Variants in CSMD1 observed in about 807,000 individuals in gnomAD.
CSMD1 encodes CUB and sushi domain-containing protein 1.
CSMD1 carries 213 observed loss-of-function variants against 417.5 expected under a neutral mutation model. That is an observed-to-expected ratio of 0.51 (90% CI 0.46 to 0.57). CSMD1 has a LOEUF of 0.57. Among genes scored for constraint, CSMD1 ranks in the 20% least tolerant of loss-of-function variants. The pLI, the probability that CSMD1 is intolerant of heterozygous loss-of-function variation, is 0.00. For missense variants in CSMD1, 6,923 were observed against 4,529.7 expected (o/e 1.53, Z -15.17); for synonymous variants, 2,862 against 1,736.8 (o/e 1.65, Z -16.11).
chr8:4,060,655 G>A (rs377192805), intron 3 of CSMD1, among the ~76,000 whole-genome samples: 1 of 152,100 alleles, frequency 6.6e-6, no homozygotes, highest in Non-Finnish European at 1.5e-5. Flanking sequence ...CAAAGGAGAA[G>A]CGGCACCTGG....
chr8:3,246,279 A>G (rs1207294555), intron 26 of CSMD1, among the ~76,000 whole-genome samples: 1 of 151,878 alleles, frequency 6.6e-6, no homozygotes, highest in African/African-American at 2.4e-5. Flanking sequence ...CCATGATCTC[A>G]TTCCTCACAT....
chr8:4,990,458 G>C (rs1811403129), intron 1 of CSMD1, among the ~76,000 whole-genome samples: 1 of 152,012 alleles, frequency 6.6e-6, no homozygotes, highest in Non-Finnish European at 1.5e-5. Context: ...CCACCTCCCG[G>C]GTTCAAGAGA....
chr8:4,527,112 G>A (rs975226289), intron 2 of CSMD1, among the ~76,000 whole-genome samples: 3 of 152,154 alleles, frequency 2.0e-5, no homozygotes, highest in Admixed American at 2.0e-4. Context: ...ATTCTAACTT[G>A]CTTTTACTTA....
chr8:4,928,368 T>G (rs527321947), intron 1 of CSMD1, among the ~76,000 whole-genome samples: 25 of 152,326 alleles, frequency 1.6e-4, no homozygotes, highest in Non-Finnish European at 3.1e-4. Context: ...TTTAGTTATT[T>G]ACTATCTTCT....
At chr8:4,907,427 A>G (rs1805362862) in intron 1 of CSMD1, among the ~76,000 whole-genome samples, 1 of 152,248 alleles carries the variant, frequency 6.6e-6, no homozygotes, top group African/African-American at 2.4e-5. Context: ...ACATTGGGCA[A>G]AATACATAAA....
chr8:4,847,063 C>A (rs374312812), intron 1 of CSMD1, among the ~76,000 whole-genome samples: 6 of 151,968 alleles, frequency 3.9e-5, no homozygotes, highest in Admixed American at 3.9e-4. Context: ...AATTGGCGAA[C>A]TTTGTCAAAA....
At chr8:4,331,446 G>A (rs1307407952) in intron 3 of CSMD1, among the ~76,000 whole-genome samples, 3 of 152,092 alleles carry the variant, frequency 2.0e-5, no homozygotes, top group African/African-American at 7.2e-5. Flanking sequence ...CCTGGTTTCT[G>A]GTAACGAGAG....
At chr8:4,613,723 G>C (rs1039599592) in intron 2 of CSMD1, among the ~76,000 whole-genome samples, 1 of 152,016 alleles carries the variant, frequency 6.6e-6, no homozygotes, top group South Asian at 2.1e-4. Context: ...GAAAAAAATA[G>C]AAGACTGAAT....
Position 3,616,317 on chromosome 8 carries a change from G to C in CSMD1, c.1097+393C>G, listed in dbSNP as rs193177950. The stretch of plus-strand genomic sequence containing the variant: ...CATGAGATCTGATGGTTTTTTAAGA[G>C]GATTTTCCTCCACTTCGCTCATTCT... On this transcript the variant is annotated intron_variant, in intron 8 of 69. Transcript: ENST00000635120. Among the ~76,000 whole-genome samples, 459 of 152,114 alleles carry C rather than the reference G, an allele frequency of 3.0e-3. 3 individuals carry two copies. Among genetic ancestry groups the C allele is most frequent in the African/African-American group, 0.01 (420 of 41,502 alleles).
intron 5 of CSMD1, among the ~76,000 whole-genome samples, chr8:3,890,343 C>G (rs1806878400): frequency 1.3e-5 from 2 of 152,050 alleles, no homozygotes; most frequent in African/African-American, 4.8e-5. Flanking sequence ...TCAACAGGCA[C>G]TGGGCAGGGT....
chr8:4,058,588 T>G (rs1798815747), intron 3 of CSMD1, among the ~76,000 whole-genome samples: 1 of 151,300 alleles, frequency 6.6e-6, no homozygotes, highest in Admixed American at 6.6e-5. Context: ...AATAAAAGGA[T>G]GGAGGAAGAT....
rs143433756 is a variant in CSMD1 at position 4,627,401 on chromosome 8, C to T, written c.302+9941G>A. On this transcript the variant is annotated intron_variant, in intron 2 of 69. Transcript: ENST00000635120. The stretch of plus-strand genomic sequence containing the variant: ...GCATATTAATATGGATGGTTTCCCA[C>T]TAAACTATTTCAACAAACTACTTCT... 4.5e-3 allele frequency among the ~76,000 whole-genome samples: 685 copies of T among 152,210 alleles called. 5 individuals carry two copies. Among genetic ancestry groups the T allele is most frequent in the Middle Eastern group, 0.017 (5 of 294 alleles).
intron 55 of CSMD1, among the ~76,000 whole-genome samples, chr8:2,976,574 C>G (rs758348934): frequency 2.6e-5 from 4 of 152,130 alleles, no homozygotes; most frequent in Non-Finnish European, 4.4e-5. Context: ...ATCTAGAACT[C>G]CTGGCCTCAA....
At chr8:4,823,359 C>G (rs1427797765) in intron 1 of CSMD1, among the ~76,000 whole-genome samples, 2 of 151,984 alleles carry the variant, frequency 1.3e-5, no homozygotes, top group Non-Finnish European at 2.9e-5. Context: ...TACAATTACA[C>G]TCTACAAGTA....
At chr8:3,370,854 C>T (rs1228357144) in intron 18 of CSMD1, among the ~76,000 whole-genome samples, 4 of 151,966 alleles carry the variant, frequency 2.6e-5, no homozygotes, top group Non-Finnish European at 5.9e-5. Flanking sequence ...CAGAAGCCTA[C>T]AATTCCAGCT....
intron 3 of CSMD1, among the ~76,000 whole-genome samples, chr8:4,165,643 T>C (rs1426454879): frequency 6.6e-6 from 1 of 152,162 alleles, no homozygotes; most frequent in Non-Finnish European, 1.5e-5. Flanking sequence ...ACACAAGGGA[T>C]CATTGAACCT....
At chr8:4,475,457 C>A (rs1343547786) in intron 2 of CSMD1, among the ~76,000 whole-genome samples, 1 of 152,014 alleles carries the variant, frequency 6.6e-6, no homozygotes, top group Non-Finnish European at 1.5e-5. Flanking sequence ...TGGAAGGCAA[C>A]CCCATTTGAT....
chr8:2,961,007 C>T, intron 62 of CSMD1, 134 bp downstream of exon 62: 3 of 263,972 alleles, frequency 1.1e-5, no homozygotes, highest in Admixed American at 1.1e-4. Context: ...TGTAGAAATC[C>T]CCTTTGAACG....
At chr8:4,810,396 G>A (rs1212097921) in intron 1 of CSMD1, among the ~76,000 whole-genome samples, 7 of 151,998 alleles carry the variant, frequency 4.6e-5, no homozygotes, top group Non-Finnish European at 5.9e-5. Flanking sequence ...CATTCATAAC[G>A]TGATTGTACC....
Sources: gnomAD v4.1 joint callset for allele counts (sites outside exome capture counted in the v4.1 genomes callset) on GRCh38, gnomAD v4.1.1 for gene constraint, MANE v1.5 for transcripts, NCBI Gene and HGNC (gene_info 2026-07-23, HGNC 2026-07-21) for gene names.